Variants in CSGALNACT1 observed in about 807,000 individuals in gnomAD.
CSGALNACT1 encodes chondroitin sulfate N-acetylgalactosaminyltransferase 1.
Under a neutral mutation model 51.0 loss-of-function variants are expected in CSGALNACT1, and 52 were observed. That is an observed-to-expected ratio of 1.02 (90% CI 0.82 to 1.29). The LOEUF is 1.29. Ranked by LOEUF, CSGALNACT1 falls within the 50% of genes most tolerant of loss-of-function variation. CSGALNACT1 has a pLI of 0.00. For missense variants in CSGALNACT1, 935 were observed against 679.2 expected, an observed-to-expected ratio of 1.38 and a Z score of -4.19; for synonymous variants, 341 against 254.4, an observed-to-expected ratio of 1.34 and a Z score of -3.24.
At chr8:19,560,000 G>T (rs78081665) in intron 3 of CSGALNACT1, among the ~76,000 whole-genome samples, 1 of 152,174 alleles carries the variant, frequency 6.6e-6, no homozygotes, top group East Asian at 1.9e-4. Context: ...TTAAGAAGAC[G>T]CAGTAATTAA....
intron 3 of CSGALNACT1, among the ~76,000 whole-genome samples, chr8:19,575,148 T>C (rs2043902029): frequency 1.3e-5 from 2 of 152,206 alleles, no homozygotes; most frequent in South Asian, 2.1e-4. Context: ...TTTGGATCTC[T>C]AGTGCAAAAT....
chr8:19,748,501 G>A (rs529394119), intron 1 of CSGALNACT1, among the ~76,000 whole-genome samples: 94 of 152,156 alleles, frequency 6.2e-4, no homozygotes, highest in Non-Finnish European at 1.2e-3. Flanking sequence ...CTTGACACTC[G>A]TTTTCTTTTC....
At chr8:19,505,666 A>G in exon 4 of CSGALNACT1, 1 of 1,613,972 alleles carries the variant, frequency 6.2e-7, no homozygotes, top group Non-Finnish European at 8.5e-7. Flanking sequence ...ACGGCCTGGT[A>G]CCCCTCCTTC....
chr8:19,478,833 A>G (rs942551280), intron 4 of CSGALNACT1, among the ~76,000 whole-genome samples: 7 of 152,368 alleles, frequency 4.6e-5, no homozygotes, highest in Admixed American at 1.3e-4. Context: ...AATGAAACAA[A>G]GTAAACAACA....
upstream of CSGALNACT1, chr8:19,683,350 T>G (rs1796144892): frequency 6.6e-6 from 1 of 152,120 alleles, no homozygotes; most frequent in Non-Finnish European, 1.5e-5. Flanking sequence ...ATCAGGATCT[T>G]GGTCATGAGA....
At chr8:19,558,395 T>C (rs2039950285) in intron 3 of CSGALNACT1, among the ~76,000 whole-genome samples, 1 of 152,186 alleles carries the variant, frequency 6.6e-6, no homozygotes, top group Admixed American at 6.5e-5. Flanking sequence ...TTCTTAACAC[T>C]ATTTTAGAAA....
chr8:19,408,580 C>T, intron 9 of CSGALNACT1, 33 bp downstream of exon 8: 3 of 1,572,472 alleles, frequency 1.9e-6, no homozygotes, highest in Non-Finnish European at 2.6e-6. Context: ...CCCGTGGCCT[C>T]TGGGTGGCAG....
At chr8:19,478,501 G>A (rs371271575) in intron 4 of CSGALNACT1, among the ~76,000 whole-genome samples, 8 of 150,086 alleles carry the variant, frequency 5.3e-5, no homozygotes, top group East Asian at 2.0e-4. Context: ...GTGTAGCCTC[G>A]ACTCCCCAAG....
At chr8:19,607,919 T>C (rs2051625801) in intron 1 of CSGALNACT1, among the ~76,000 whole-genome samples, 1 of 152,188 alleles carries the variant, frequency 6.6e-6, no homozygotes, top group Admixed American at 6.5e-5. Context: ...CACCGATTAA[T>C]GATGAAAATG....
At chr8:19,685,334 C>A (rs1305031413), upstream of CSGALNACT1, among the ~76,000 whole-genome samples, 1 of 152,114 alleles carries the variant, frequency 6.6e-6, no homozygotes. Flanking sequence ...CATGGCAAAA[C>A]CCTGTCTCTA....
intron 4 of CSGALNACT1, among the ~76,000 whole-genome samples, chr8:19,480,567 G>A (rs887788287): frequency 6.6e-6 from 1 of 152,136 alleles, no homozygotes; most frequent in Admixed American, 6.5e-5. Context: ...GAGTAGTGCT[G>A]CAATGAACAT....
intron 6 of CSGALNACT1, among the ~76,000 whole-genome samples, chr8:19,424,010 C>T (rs1042163869): frequency 3.9e-5 from 6 of 152,202 alleles, no homozygotes; most frequent in Non-Finnish European, 7.3e-5. Flanking sequence ...CCCTGCCCCA[C>T]GCAGGACTCT....
intron 3 of CSGALNACT1, among the ~76,000 whole-genome samples, chr8:19,530,996 T>A (rs890406309): frequency 3.9e-5 from 6 of 152,208 alleles, no homozygotes; most frequent in African/African-American, 1.4e-4. Context: ...TATCAGCTGA[T>A]CTTCAAGCCT....
At chr8:19,432,468 T>TA (rs2153729641) in intron 6 of CSGALNACT1, among the ~76,000 whole-genome samples, 1 of 152,314 alleles carries the variant, frequency 6.6e-6, no homozygotes, top group South Asian at 2.1e-4. Context: ...ATTAATGTTT[T>TA]CCATCAAATT....
At chr8:19,429,850 G>T (rs2059380166) in intron 6 of CSGALNACT1, among the ~76,000 whole-genome samples, 1 of 152,178 alleles carries the variant, frequency 6.6e-6, no homozygotes, top group Non-Finnish European at 1.5e-5. Flanking sequence ...AAGAGCAATA[G>T]ACAAGAGTTC....
At chr8:19,484,195 G>A (rs2072257530) in intron 4 of CSGALNACT1, among the ~76,000 whole-genome samples, 1 of 114,394 alleles carries the variant, frequency 8.7e-6, no homozygotes, top group African/African-American at 3.4e-5. Context: ...GAGTGATATA[G>A]CAATTCAGAT....
intron 1 of CSGALNACT1, among the ~76,000 whole-genome samples, chr8:19,744,206 G>A (rs1307873486): frequency 6.6e-6 from 1 of 152,146 alleles, no homozygotes; most frequent in Non-Finnish European, 1.5e-5. Flanking sequence ...ATCATTAAAA[G>A]TAAGACCTCA....
At chr8:19,682,630 A>G, upstream of CSGALNACT1, 1 of 454,050 alleles carries the variant, frequency 2.2e-6, no homozygotes, top group Non-Finnish European at 4.4e-6. Context: ...AAGATTGTGT[A>G]AAATATTCAG....
chr8:19,684,681 C>G (rs371384155), upstream of CSGALNACT1, among the ~76,000 whole-genome samples: 36 of 152,272 alleles, frequency 2.4e-4, no homozygotes, highest in African/African-American at 8.4e-4. Flanking sequence ...CCTCCCTGTG[C>G]TGCCCCTGGG....
Sources: gnomAD v4.1 joint callset for allele counts (sites outside exome capture counted in the v4.1 genomes callset) on GRCh38, gnomAD v4.1.1 for gene constraint, MANE v1.5 for transcripts, NCBI Gene and HGNC (gene_info 2026-07-23, HGNC 2026-07-21) for gene names.